Variants in RNLS observed in about 807,000 individuals in gnomAD.
The protein encoded by RNLS is renalase, FAD dependent amine oxidase, also known as renalase.
RNLS carries 39 observed loss-of-function variants against 39.8 expected under a neutral mutation model. That is an observed-to-expected ratio of 0.98 (90% CI 0.76 to 1.28). The LOEUF is 1.28. RNLS is among the 50% of genes most tolerant of loss of function. RNLS has a pLI of 0.00. For missense variants in RNLS, 410 were observed against 413.3 expected (o/e 0.99, Z 0.07); for synonymous variants, 147 against 150.7 (o/e 0.98, Z 0.18).
intron 4 of RNLS, among the ~76,000 whole-genome samples, chr10:88,402,094 A>G (rs1037980974): frequency 2.0e-5 from 3 of 151,942 alleles, no homozygotes; most frequent in African/African-American, 7.2e-5. Context: ...ATTTCAAAGA[A>G]TGAGGATTTT....
At chr10:88,522,584 T>C (rs1178354354) in intron 4 of RNLS, among the ~76,000 whole-genome samples, 1 of 152,040 alleles carries the variant, frequency 6.6e-6, no homozygotes, top group Admixed American at 6.6e-5. Context: ...CACAGGGCAA[T>C]TATCTCTTCA....
intron 4 of RNLS, among the ~76,000 whole-genome samples, chr10:88,475,355 A>G (rs1426118674): frequency 6.6e-6 from 1 of 152,226 alleles, no homozygotes. Flanking sequence ...AGGAAGCCCA[A>G]TCTAGTTTGA....
the RNLS span, among the ~76,000 whole-genome samples, chr10:88,248,519 C>T: frequency 1.8e-4 from 28 of 152,214 alleles, no homozygotes; most frequent in East Asian, 4.1e-3. Context: ...CAGAGGCTGC[C>T]CCTGGACACT....
chr10:88,287,639 C>T (rs554323235), intron 6 of RNLS, among the ~76,000 whole-genome samples: 4 of 152,204 alleles, frequency 2.6e-5, no homozygotes, highest in African/African-American at 9.6e-5. Context: ...TTAATTGACT[C>T]ACAGTTCCAA....
chr10:88,311,566 A>G (rs1845384063), intron 6 of RNLS, among the ~76,000 whole-genome samples: 1 of 152,152 alleles, frequency 6.6e-6, no homozygotes, highest in Non-Finnish European at 1.5e-5. Flanking sequence ...CAAGTCTTTC[A>G]AAAAACGCCT....
intron 4 of RNLS, among the ~76,000 whole-genome samples, chr10:88,465,674 C>G (rs1361429660): frequency 7.9e-5 from 12 of 152,010 alleles, no homozygotes. Flanking sequence ...GCCAGAATAC[C>G]TTGAATCCCT....
chr10:88,457,681 C>T (rs1388065586), intron 4 of RNLS, among the ~76,000 whole-genome samples: 1 of 152,190 alleles, frequency 6.6e-6, no homozygotes, highest in African/African-American at 2.4e-5. Flanking sequence ...TTAACTCAGA[C>T]CCAGGAGGTG....
chr10:88,225,668 C>G, the RNLS span, among the ~76,000 whole-genome samples: 1 of 152,080 alleles, frequency 6.6e-6, no homozygotes, highest in African/African-American at 2.4e-5. Flanking sequence ...GAGCTATGAT[C>G]AAACAACTGC....
chr10:88,312,058 G>T (rs940984152), intron 6 of RNLS, among the ~76,000 whole-genome samples: 1 of 152,206 alleles, frequency 6.6e-6, no homozygotes, highest in African/African-American at 2.4e-5. Flanking sequence ...GTGGCAGGCA[G>T]AAGTAATGCC....
chr10:88,487,953 A>G (rs1196472603), intron 4 of RNLS, among the ~76,000 whole-genome samples: 3 of 152,206 alleles, frequency 2.0e-5, no homozygotes, highest in Non-Finnish European at 4.4e-5. Flanking sequence ...TATTGTGAGT[A>G]AAGAACTAAG....
chr10:88,368,907 C>T (rs959429645), intron 4 of RNLS, among the ~76,000 whole-genome samples: 1 of 151,970 alleles, frequency 6.6e-6, no homozygotes, highest in African/African-American at 2.4e-5. Context: ...TCACTGTATC[C>T]TTGCTTATAT....
chr10:88,540,534 G>A (rs1847983985), intron 4 of RNLS, among the ~76,000 whole-genome samples: 1 of 152,080 alleles, frequency 6.6e-6, no homozygotes, highest in Non-Finnish European at 1.5e-5. Context: ...AATAGTTCTG[G>A]AAGAGTCAAT....
At chr10:88,420,048 AAATAAATAAATG>A (rs377096507) in intron 4 of RNLS, among the ~76,000 whole-genome samples, 27,363 of 121,194 alleles carry the variant, frequency 0.23, 2,908 homozygotes, top group Non-Finnish European at 0.28. Flanking sequence ...ATAAATAAAT[AAATAAATAAATG>A]AATGAATAAA....
At chr10:88,365,379 C>T (rs1849984807) in intron 4 of RNLS, among the ~76,000 whole-genome samples, 1 of 60,566 alleles carries the variant, frequency 1.7e-5, no homozygotes, top group Admixed American at 1.6e-4. Flanking sequence ...GCAAGCAAAA[C>T]AATATTCTTT....
At chr10:88,477,697 G>A (rs1024114892) in intron 4 of RNLS, among the ~76,000 whole-genome samples, 1 of 152,188 alleles carries the variant, frequency 6.6e-6, no homozygotes, top group Admixed American at 6.6e-5. Context: ...GGCTTCACAT[G>A]CATCATCCCC....
chr10:88,424,145 C>T (rs368192004), intron 4 of RNLS, among the ~76,000 whole-genome samples: 20 of 152,170 alleles, frequency 1.3e-4, no homozygotes, highest in East Asian at 9.6e-4. Context: ...ATCCCTCCAT[C>T]GGAACTGAAG....
At chr10:88,205,980 T>C in the RNLS span, among the ~76,000 whole-genome samples, 4 of 152,206 alleles carry the variant, frequency 2.6e-5, no homozygotes, top group Non-Finnish European at 5.9e-5. Context: ...GGAAAGTTTA[T>C]GCCTATTGAT....
chr10:88,387,339 G>A (rs1851923830), intron 4 of RNLS, among the ~76,000 whole-genome samples: 1 of 152,034 alleles, frequency 6.6e-6, no homozygotes, highest in Non-Finnish European at 1.5e-5. Flanking sequence ...AAGAGACCTG[G>A]AGCTTACATC....
At chr10:88,377,865 T>A (rs1589688446) in intron 4 of RNLS, among the ~76,000 whole-genome samples, 1 of 152,144 alleles carries the variant, frequency 6.6e-6, no homozygotes, top group African/African-American at 2.4e-5. Context: ...CTTTGTAAAC[T>A]TTTTTTTAAA....
Sources: gnomAD v4.1 joint callset for allele counts (sites outside exome capture counted in the v4.1 genomes callset) on GRCh38, gnomAD v4.1.1 for gene constraint, MANE v1.5 for transcripts, NCBI Gene and HGNC (gene_info 2026-07-23, HGNC 2026-07-21) for gene names.